The following ZBBX variants were observed in gnomAD, a reference collection of about 807,000 sequenced individuals.
ZBBX encodes the protein zinc finger B-box domain containing.
In ZBBX, 101 loss-of-function variants were observed where a neutral mutation model predicts 108.5. That is an observed-to-expected ratio of 0.93 (90% CI 0.79 to 1.10). The LOEUF (loss-of-function observed/expected upper bound fraction) is 1.10, where lower values mean the gene tolerates loss of function less well. Among genes scored for constraint, ZBBX ranks in the 50% least tolerant of loss-of-function variants. ZBBX has a pLI of 0.00. For missense variants in ZBBX, 1,009 were observed against 941.4 expected, an observed-to-expected ratio of 1.07 and a Z score of -0.94; for synonymous variants, 356 against 323.4, an observed-to-expected ratio of 1.10 and a Z score of -1.08.
rs751293576 is a variant in ZBBX, at chr3:167,340,737, C to T, written c.529-6752G>A. Among the ~76,000 whole-genome samples, 8 of 151,052 alleles carry T rather than the reference C, an allele frequency of 5.3e-5. No individual in the cohort carries two copies. In the Admixed American group the frequency reaches 5.3e-4, roughly 10 times the overall value. On this transcript the variant is annotated intron_variant, in intron 9 of 21. Transcript: ENST00000675490. The stretch of plus-strand genomic sequence containing the variant: ...GGGGTGCAGGGGAGTAAACTTTGGG[C>T]CAACTGGAAAAGGTAGAGAAGCAAA...
chr3:167,394,239 T>C (rs1748163431), intron 1 of ZBBX, among the ~76,000 whole-genome samples: 1 of 151,670 alleles, frequency 6.6e-6, no homozygotes, highest in South Asian at 2.1e-4. Flanking sequence ...TTTCAAAGGG[T>C]TTTTCAGTGT....
intron 9 of ZBBX, among the ~76,000 whole-genome samples, chr3:167,335,316 A>G (rs1482596401): frequency 6.6e-6 from 1 of 152,156 alleles, no homozygotes; most frequent in Non-Finnish European, 1.5e-5. Flanking sequence ...TTAAAGAAAA[A>G]CTTTTCACAT....
chr3:167,376,434 T>C (rs1378573458), intron 2 of ZBBX, among the ~76,000 whole-genome samples: 1 of 152,192 alleles, frequency 6.6e-6, no homozygotes, highest in Non-Finnish European at 1.5e-5. Flanking sequence ...ACTTCCATAA[T>C]GTTATTATTA....
At chr3:167,199,533 T>C in the ZBBX span, among the ~76,000 whole-genome samples, 1 of 152,312 alleles carries the variant, frequency 6.6e-6, no homozygotes, top group South Asian at 2.1e-4. Context: ...CCATCATGAT[T>C]CTTACACTAA....
chr3:167,308,749 G>A (rs55884037), intron 16 of ZBBX, among the ~76,000 whole-genome samples: 4,715 of 152,256 alleles, frequency 0.031, 114 homozygotes, highest in African/African-American at 0.063. Context: ...GCTAAATGGT[G>A]AGAACACATG....
At chr3:167,404,980 T>G (rs961437037) in intron 1 of ZBBX, among the ~76,000 whole-genome samples, 17 of 152,070 alleles carry the variant, frequency 1.1e-4, no homozygotes, top group Admixed American at 2.6e-4. Flanking sequence ...TAATAGAAAC[T>G]GGTCACTTAG....
chr3:167,230,679 G>A, the ZBBX span, among the ~76,000 whole-genome samples: 3 of 151,760 alleles, frequency 2.0e-5, no homozygotes, highest in African/African-American at 7.3e-5. Context: ...TCACAGCAGG[G>A]TGAGCTCAAG....
chr3:167,225,078 C>T, the ZBBX span, among the ~76,000 whole-genome samples: 3 of 151,728 alleles, frequency 2.0e-5, no homozygotes, highest in Non-Finnish European at 4.4e-5. Flanking sequence ...ATGGAATAGA[C>T]ACAAGGAAAG....
chr3:167,373,942 C>G (rs1473616993), intron 2 of ZBBX, among the ~76,000 whole-genome samples, 155 bp from the exon 3 acceptor site: 1 of 152,074 alleles, frequency 6.6e-6, no homozygotes, highest in Non-Finnish European at 1.5e-5. Context: ...AACTGTATAG[C>G]AAAAGACTAG....
At position 167,315,817 on chromosome 3, in the gene ZBBX, C is replaced by T; in HGVS notation, c.1207G>A (p.Glu403Lys). The change falls in exon 15 of 22, where the codon GAA becomes AAA. Residue 403 changes from glutamate to lysine, a missense_variant. Coordinates refer to ENST00000675490, the MANE Select transcript of ZBBX (RefSeq NM_001199201.2). ...ACAATATTTTCTGCTTCTTCAAATT[C>T]CTCTTCATAAGTCTTATTAAATTAA... ...IVELDDTYEE[E>K]FEEAENIVPY... 2 of 1,601,248 alleles carry T rather than the reference C, an allele frequency of 1.2e-6. No homozygotes were observed. Among genetic ancestry groups the T allele is most frequent in the Non-Finnish European group, 1.7e-6 (2 of 1,171,444 alleles).
At chr3:167,184,868 T>C in the ZBBX span, among the ~76,000 whole-genome samples, 1 of 152,194 alleles carries the variant, frequency 6.6e-6, no homozygotes, top group Non-Finnish European at 1.5e-5. Context: ...AAAGAATTTA[T>C]ATAAGAACCC....
At chr3:167,405,800 G>C (rs1201393025) in intron 1 of ZBBX, among the ~76,000 whole-genome samples, 1 of 152,218 alleles carries the variant, frequency 6.6e-6, no homozygotes, top group Non-Finnish European at 1.5e-5. Flanking sequence ...GGCCGAGCGT[G>C]GTGGCTGACG....
chr3:167,371,904 A>G (rs1746215159), intron 4 of ZBBX, among the ~76,000 whole-genome samples: 1 of 152,194 alleles, frequency 6.6e-6, no homozygotes, highest in Non-Finnish European at 1.5e-5. Context: ...CAAAAAACTC[A>G]GAAACTCCAA....
At chr3:167,348,429 AGAGAGAAAGAGAGAGAAG>A (rs1243091289) in intron 9 of ZBBX, among the ~76,000 whole-genome samples, 7 of 50,496 alleles carry the variant, frequency 1.4e-4, no homozygotes, top group Non-Finnish European at 4.0e-5. Flanking sequence ...GAGAAGAGGG[AGAGAGAAAGAGAGAGAAG>A]GAGAGAAAGA....
intron 13 of ZBBX, 78 bp from the exon 14 acceptor site, chr3:167,317,183 A>T (rs1735612141): frequency 3.1e-6 from 3 of 981,842 alleles, no homozygotes; most frequent in Non-Finnish European, 4.6e-6. Context: ...GATAGCCACC[A>T]AAAAAGAAGA....
intron 2 of ZBBX, among the ~76,000 whole-genome samples, chr3:167,378,013 G>A (rs558249019): frequency 6.6e-6 from 1 of 152,252 alleles, no homozygotes; most frequent in Admixed American, 6.5e-5. Context: ...TCACTTAGCT[G>A]TCATCCTTCT....
chr3:167,348,295 GA>G (rs1258445132), intron 9 of ZBBX, among the ~76,000 whole-genome samples: 2 of 102,698 alleles, frequency 1.9e-5, no homozygotes, highest in African/African-American at 3.8e-5. Flanking sequence ...AGGAAGGAAA[GA>G]AGAAAGAGAG....
chr3:167,202,975 A>G, the ZBBX span, among the ~76,000 whole-genome samples: 2 of 152,186 alleles, frequency 1.3e-5, no homozygotes, highest in Non-Finnish European at 2.9e-5. Context: ...CCATAGTGTC[A>G]TATTAGTTCA....
the ZBBX span, among the ~76,000 whole-genome samples, chr3:167,190,981 T>C: frequency 1.3e-5 from 2 of 152,196 alleles, no homozygotes; most frequent in Non-Finnish European, 2.9e-5. Flanking sequence ...CTCCCAGCAT[T>C]GTCCTGGAGG....
Sources: allele counts gnomAD v4.1 joint callset (sites outside exome capture counted in the v4.1 genomes callset), GRCh38; gene constraint gnomAD v4.1.1; transcripts MANE v1.5; gene names NCBI Gene and HGNC (gene_info 2026-07-23, HGNC 2026-07-21).